Variants in PAPPA2 observed in about 807,000 individuals in gnomAD.
PAPPA2 encodes the protein pappalysin 2.
A neutral mutation model predicts 176.4 loss-of-function variants in PAPPA2; 86 were observed. The observed-to-expected ratio is 0.49, with a 90% CI of 0.41 to 0.58. The LOEUF (loss-of-function observed/expected upper bound fraction) is 0.58, where lower values mean the gene tolerates loss of function less well. Among genes scored for constraint, PAPPA2 ranks in the 20% least tolerant of loss-of-function variants. The pLI is 0.00. For missense variants in PAPPA2, 2,073 were observed against 2,256.9 expected (o/e 0.92, Z 1.65); for synonymous variants, 809 against 852.2 (o/e 0.95, Z 0.88).
At chr1:176,646,772 T>C (rs1409473067) in intron 3 of PAPPA2, among the ~76,000 whole-genome samples, 1 of 151,538 alleles carries the variant, frequency 6.6e-6, no homozygotes, top group Admixed American at 6.6e-5. Context: ...TAGTACTCCA[T>C]TGCATCTACG....
Position 176,638,656 on chromosome 1 carries a change from G to A in PAPPA2, c.1992-32314G>A, listed in dbSNP as rs560496151. Among the ~76,000 whole-genome samples the A allele has an allele frequency of 1.6e-4, 25 of 152,034 alleles. No homozygotes were observed. In the South Asian group the frequency reaches 2.7e-3, roughly 16 times the overall value. ...ATGAACAGGCCGGAGTGCTGGGGAG[G>A]GCTGAGAATTTCTAGCCCCTCCAAA... is the stretch of plus-strand genomic sequence containing the variant. On this transcript the variant is annotated intron_variant, in intron 3 of 22. Coordinates refer to ENST00000367662, the MANE Select transcript of PAPPA2 (RefSeq NM_020318.3).
intron 2 of PAPPA2, among the ~76,000 whole-genome samples, chr1:176,590,413 AT>A (rs568912627): frequency 3.4e-4 from 51 of 150,084 alleles, no homozygotes; most frequent in Middle Eastern, 3.5e-3. Context: ...CAGGACTTGG[AT>A]TTTTTTTTTA....
chr1:176,638,898 G>A (rs897437641), intron 3 of PAPPA2, among the ~76,000 whole-genome samples: 1 of 151,158 alleles, frequency 6.6e-6, no homozygotes, highest in African/African-American at 2.4e-5. Context: ...ATAAACCTGG[G>A]TTTTAAGAAA....
At chr1:176,488,145 C>T (rs1652729022) in intron 1 of PAPPA2, among the ~76,000 whole-genome samples, 1 of 152,010 alleles carries the variant, frequency 6.6e-6, no homozygotes, top group Non-Finnish European at 1.5e-5. Context: ...TCCTCAATTC[C>T]CAGTGTAGTT....
intron 5 of PAPPA2, chr1:176,690,764 C>A: frequency 9.1e-7 from 1 of 1,102,424 alleles, no homozygotes; most frequent in Non-Finnish European, 1.1e-6. Flanking sequence ...TTTTTGCCCG[C>A]ATTCTTAGAC....
intron 21 of PAPPA2, among the ~76,000 whole-genome samples, chr1:176,822,659 G>A (rs541851523): frequency 6.6e-6 from 1 of 152,248 alleles, no homozygotes; most frequent in East Asian, 1.9e-4. Context: ...CCTACGTGTT[G>A]ATTTAATCCA....
chr1:176,680,416 T>A (rs1050966470), intron 4 of PAPPA2, among the ~76,000 whole-genome samples: 1 of 116,958 alleles, frequency 8.6e-6, no homozygotes, highest in African/African-American at 4.4e-5. Context: ...TGGTTACCTA[T>A]TTCTCAGCTA....
chr1:176,567,535 G>C (rs1001822191), intron 2 of PAPPA2, among the ~76,000 whole-genome samples: 3 of 152,148 alleles, frequency 2.0e-5, no homozygotes, highest in African/African-American at 7.2e-5. Context: ...AAGTAGTTTA[G>C]TTTTATTTGT....
In PAPPA2 at chr1:176,671,121, T is replaced by C; in HGVS notation, c.2137+6T>C. Reference sequence around the variant, plus strand: ...GGACGCTGTCACTCACCTGGGTAAGTGAAATGAAGACCAAACATAGTAGGA... The same window carrying C: ...GGACGCTGTCACTCACCTGGGTAAGCGAAATGAAGACCAAACATAGTAGGA... On this transcript the variant is annotated splice_donor_region_variant and intron_variant, in intron 4 of 22. Transcript: ENST00000367662. The C allele has an allele frequency of 6.2e-7, 1 of 1,613,238 alleles. No individual in the cohort carries two copies. Among genetic ancestry groups the C allele is most frequent in the Non-Finnish European group, 8.5e-7 (1 of 1,179,680 alleles).
At chr1:176,736,285 G>T (rs1662405109) in intron 12 of PAPPA2, among the ~76,000 whole-genome samples, 1 of 151,626 alleles carries the variant, frequency 6.6e-6, no homozygotes, top group African/African-American at 2.4e-5. Context: ...TCATGTCTAG[G>T]AGAATAAATT....
intron 3 of PAPPA2, among the ~76,000 whole-genome samples, chr1:176,664,010 C>T (rs1365632421): frequency 6.6e-6 from 1 of 152,144 alleles, no homozygotes; most frequent in Non-Finnish European, 1.5e-5. Flanking sequence ...TTTTCCTCCT[C>T]TTGAGTCCAT....
intron 3 of PAPPA2, among the ~76,000 whole-genome samples, chr1:176,658,362 A>T (rs1340048945): frequency 1.3e-5 from 2 of 152,038 alleles, no homozygotes; most frequent in African/African-American, 2.4e-5. Flanking sequence ...CAGATACTAT[A>T]TATTTTTTAT....
intron 3 of PAPPA2, among the ~76,000 whole-genome samples, chr1:176,635,688 G>T (rs1264119149): frequency 1.3e-5 from 2 of 151,830 alleles, no homozygotes; most frequent in African/African-American, 4.8e-5. Context: ...TCCTGGATTT[G>T]TTCTTCTTTT....
At position 176,556,539 on chromosome 1, in the gene PAPPA2, A is replaced by T. The variant is rs1558434531; in HGVS notation, c.217A>T (p.Ser73Cys). The T allele has an allele frequency of 3.7e-6, 6 of 1,614,214 alleles. No homozygotes were observed. In the East Asian group the frequency reaches 1.1e-4, roughly 30 times the overall value. The change falls in exon 2 of 23, where the codon AGC becomes TGC. Residue 73 changes from serine to cysteine, a missense_variant. Around this residue, in one of 4 missense-constraint regions of PAPPA2, gnomAD observed 1,196 missense variants for 1,330.4 expected, o/e 0.90. Transcript: ENST00000367662. ...PQHHLFGVYP[S>C]RAGNYLRPYP... ...GCATCACCTCTTTGGAGTCTACCCC[A>T]GCAGGGCTGGGAACTACCTAAGGCC...
chr1:176,577,236 A>G (rs1286925726), intron 2 of PAPPA2, among the ~76,000 whole-genome samples: 1 of 151,998 alleles, frequency 6.6e-6, no homozygotes, highest in Non-Finnish European at 1.5e-5. Context: ...TCACCATTCT[A>G]TGTTTTCCTG....
intron 2 of PAPPA2, among the ~76,000 whole-genome samples, chr1:176,569,604 G>A (rs767017398): frequency 3.9e-5 from 6 of 152,178 alleles, no homozygotes; most frequent in Non-Finnish European, 8.8e-5. Context: ...GGTGTTTGAC[G>A]TTAAATAAGC....
chr1:176,766,423 G>T (rs567268664), intron 15 of PAPPA2, among the ~76,000 whole-genome samples: 4 of 152,168 alleles, frequency 2.6e-5, no homozygotes, highest in African/African-American at 9.7e-5. Flanking sequence ...GATTAACAGG[G>T]TGACTCAGGA....
chr1:176,785,986 G>C (rs747827622), intron 17 of PAPPA2, among the ~76,000 whole-genome samples: 7 of 152,118 alleles, frequency 4.6e-5, no homozygotes, highest in Non-Finnish European at 8.8e-5. Context: ...TTACAGCCGT[G>C]CTTCTCCCCT....
chr1:176,594,997 A>G lies in PAPPA2; in HGVS notation c.1393A>G (p.Thr465Ala), dbSNP rs777519267. The G allele has an allele frequency of 4.3e-6, 7 of 1,614,212 alleles. No individual in the cohort carries two copies. Among genetic ancestry groups the G allele is most frequent in the Non-Finnish European group, 5.9e-6 (7 of 1,180,038 alleles). Residue 465 changes from threonine (T) to alanine (A), a missense_variant, in exon 3 of 23, where the codon ACA becomes GCA. Thr to Ala is a moderately conservative substitution (Grantham distance 58). Around this residue, in one of 4 missense-constraint regions of PAPPA2, gnomAD observed 1,196 missense variants for 1,330.4 expected, o/e 0.90. Transcript: ENST00000367662. ...GACAGCGAGCTTTGAGCCTGTGAAC[A>G]CAGAGTGGGTTCCCTTTAGAGATGA... ...VLTASFEPVN[T>A]EWVPFRDEKY...
Sources: gnomAD v4.1 joint callset for allele counts (sites outside exome capture counted in the v4.1 genomes callset) on GRCh38, gnomAD v4.1.1 for gene constraint, gnomAD v4.1.1 regional missense constraint, MANE v1.5 for transcripts, NCBI Gene and HGNC (gene_info 2026-07-23, HGNC 2026-07-21) for gene names.